Variants in TBR1 observed in about 807,000 individuals in gnomAD.
TBR1 encodes the protein T-box brain protein 1.
A neutral mutation model predicts 60.3 loss-of-function variants in TBR1; 7 were observed. That is an observed-to-expected ratio of 0.12 (90% CI 0.07 to 0.22). The LOEUF is 0.22. Ranked by LOEUF, TBR1 falls within the 10% of genes least tolerant of loss-of-function variation. TBR1 has a pLI of 1.00. For missense variants in TBR1, 616 were observed against 936.8 expected, an observed-to-expected ratio of 0.66 and a Z score of 4.47; for synonymous variants, 417 against 409.9, an observed-to-expected ratio of 1.02 and a Z score of -0.21.
At chr2:161,418,703 A>C (rs930984604) in intron 3 of TBR1, 189 bp from the exon 4 acceptor site, 2 of 755,970 alleles carry the variant, frequency 2.6e-6, no homozygotes, top group Non-Finnish European at 4.0e-6. Flanking sequence ...CTTCGCTCCC[A>C]GAGGTGCGAA....
Position 161,416,652 on chromosome 2 carries a change from G to A in TBR1, c.242G>A (p.Ser81Asn), listed in dbSNP as rs958400091. Residue 81 changes from serine (S) to asparagine (N), a missense_variant, in exon 1 of 6, where the codon AGT becomes AAT. Around this residue, in one of 8 missense-constraint regions of TBR1, gnomAD observed 211 missense variants for 268.7 expected, o/e 0.79. Coordinates refer to ENST00000389554, the MANE Select transcript of TBR1 (RefSeq NM_006593.4). This position sits in a 1 kb window ranked among gnomAD's most constrained non-coding sequence, Gnocchi z 6.1. Reference protein sequence around the residue: ...SKDSPGDVQRSKLSPVLDGVS... With the variant: ...SKDSPGDVQRNKLSPVLDGVS... ...GACTCACCAGGGGACGTCCAGAGAA[G>A]TAAACTCTCTCCTGTCTTGGACGGG... 6.2e-7 allele frequency: 1 copy of A among 1,614,224 alleles called. No homozygotes were observed. The highest frequency in any genetic ancestry group is 8.5e-7 in the Non-Finnish European group (1 of 1,180,038).
chr2:161,423,359 T>C lies in TBR1; in HGVS notation c.1191-10T>C. 3.3e-6 allele frequency: 3 copies of C among 921,386 alleles called. No individual in the cohort carries two copies. Among genetic ancestry groups the C allele is most frequent in the Non-Finnish European group, 2.8e-6 (2 of 720,142 alleles). 57.1% of individuals were successfully genotyped at this position (921,386 alleles called of 1,614,324 possible). ...CCTCGGCTCTCTCTCTCTCTCTCCC[T>C]ACCCCGCAGGATCTACACCGGCTGT... On this transcript the variant is annotated splice_polypyrimidine_tract_variant and intron_variant, in intron 5 of 5. Coordinates refer to ENST00000389554, the MANE Select transcript of TBR1 (RefSeq NM_006593.4).
chr2:161,423,871 T>C lies in TBR1; in HGVS notation c.1693T>C (p.Trp565Arg). The C allele has an allele frequency of 1.4e-6, 2 of 1,402,348 alleles. No individual in the cohort carries two copies. Among genetic ancestry groups the C allele is most frequent in the Non-Finnish European group, 9.3e-7 (1 of 1,080,288 alleles). 86.9% of individuals were successfully genotyped at this position (1,402,348 alleles called of 1,614,324 possible). ...GTKSGSVLPC[W>R]PNSAAAAARM... ...CAAGTCGGGCTCGGTGCTGCCCTGC[T>C]GGCCCAACAGCGCCGCGGCCGCCGC... The change falls in exon 6 of 6, where the codon TGG becomes CGG. Residue 565 changes from tryptophan (W) to arginine (R), a missense_variant. By Grantham distance (101) the Trp-to-Arg change is moderately radical. Around this residue, in one of 8 missense-constraint regions of TBR1, gnomAD observed 210 missense variants for 297.4 expected, o/e 0.71. Coordinates refer to ENST00000389554, the MANE Select transcript of TBR1 (RefSeq NM_006593.4).
rs1257749560 is a variant in TBR1 at position 161,417,991 on chromosome 2, GGA to G, written c.847+163_847+164del. 3 of 1,451,158 alleles carry G rather than the reference GGA, an allele frequency of 2.1e-6. No individual in the cohort carries two copies. The African/African-American group carries it at 4.3e-5, about 21-fold the overall frequency. 89.9% of individuals were successfully genotyped at this position (1,451,158 alleles called of 1,614,324 possible). The stretch of plus-strand genomic sequence containing the variant: ...GGGACAGACTGAGCTGCGAGAAGGG[GGA>G]GGATTATGCAAAAGCTATTTTAATC... On this transcript the variant is annotated intron_variant, in intron 2 of 5. Coordinates refer to ENST00000389554, the MANE Select transcript of TBR1 (RefSeq NM_006593.4). The surrounding 1 kb of genome is among the most constrained non-coding windows in gnomAD (Gnocchi z 5.3).
At chr2:161,420,410 TTCC>T (rs1241538512) in intron 5 of TBR1, 153 bp downstream of exon 5, 17 of 377,086 alleles carry the variant, frequency 4.5e-5, no homozygotes, top group Admixed American at 9.7e-5. Context: ...TTCTTTCTTC[TTCC>T]TCTTCTTTTT....
chr2:161,421,167 G>A (rs1179622031), intron 5 of TBR1: 1 of 152,232 alleles, frequency 6.6e-6, no homozygotes, highest in Non-Finnish European at 1.5e-5. Context: ...GACCATAAAA[G>A]GAAAGGGTAC....
At chr2:161,419,273 C>T (rs1684186862) in intron 4 of TBR1, 1 of 565,394 alleles carries the variant, frequency 1.8e-6, no homozygotes, top group Non-Finnish European at 3.0e-6. Context: ...CGTCGCTGGT[C>T]ACCCGGGCCA....
At position 161,423,733 on chromosome 2, in the gene TBR1, G is replaced by A; in HGVS notation, c.1555G>A (p.Ala519Thr). ...GGCCACGCTGCTCTCTTACGCGGCG[G>A]CGGGCGTGAAGGCGCTGCCGCTGCA... The part of the protein sequence containing the change: ...NAATLLSYAA[A>T]GVKALPLQAA... The change falls in exon 6 of 6, where the codon GCG (alanine) becomes ACG (threonine). Residue 519 changes from alanine to threonine, a missense_variant. By Grantham distance (58) the Ala-to-Thr change is moderately conservative. Transcript: ENST00000389554. 2.0e-6 allele frequency: 3 copies of A among 1,519,084 alleles called. No homozygotes were observed. Among genetic ancestry groups the A allele is most frequent in the Non-Finnish European group, 2.6e-6 (3 of 1,141,408 alleles). The allele number at this position is 1,519,084 out of a possible 1,614,324, so 94.1% of individuals were successfully genotyped here.
chr2:161,424,279 T>A lies in TBR1; in HGVS notation c.*52T>A. 6.8e-7 allele frequency: 1 copy of A among 1,471,200 alleles called. No homozygotes were observed. Among genetic ancestry groups the A allele is most frequent in the South Asian group, 1.3e-5 (1 of 74,590 alleles). The allele number at this position is 1,471,200 out of a possible 1,614,324, so 91.1% of individuals were successfully genotyped here. A position where few individuals can be genotyped will look rare whatever the true frequency, so the allele number is the denominator to read the frequency against. ...GCGGCCCGGACCCCCAGCCAGCCCC[T>A]CACAGCTCTTCCCCAGCTCCGCCTC... On this transcript the variant is annotated 3_prime_UTR_variant, in exon 6 of 6. Coordinates refer to ENST00000389554, the MANE Select transcript of TBR1 (RefSeq NM_006593.4). This position sits in a 1 kb window ranked among gnomAD's most constrained non-coding sequence, Gnocchi z 4.4.
Position 161,417,979 on chromosome 2 carries a change from C to A in TBR1, c.847+149C>A, listed in dbSNP as rs1417391747. On this transcript the variant is annotated intron_variant, in intron 2 of 5. Coordinates refer to ENST00000389554, the MANE Select transcript of TBR1 (RefSeq NM_006593.4). This position sits in a 1 kb window ranked among gnomAD's most constrained non-coding sequence, Gnocchi z 5.3. ...GAGGGGGACAGGGGGACAGACTGAG[C>A]TGCGAGAAGGGGGAGGATTATGCAA... The A allele has an allele frequency of 6.9e-6, 10 of 1,454,722 alleles. No homozygotes were observed. The African/African-American group carries it at 1.1e-4, about 17-fold the overall frequency. The allele number at this position is 1,454,722 out of a possible 1,614,324, so 90.1% of individuals were successfully genotyped here.
chr2:161,423,186 T>C (rs1275647786), intron 5 of TBR1, 183 bp from the exon 6 acceptor site: 1 of 450,524 alleles, frequency 2.2e-6, no homozygotes, highest in Non-Finnish European at 3.8e-6. Flanking sequence ...GTGATTTATT[T>C]TGGGAATGAT....
Position 161,423,598 on chromosome 2 carries a change from G to T in TBR1, c.1420G>T (p.Glu474Ter). The T allele has an allele frequency of 6.5e-7, 1 of 1,535,142 alleles. No individual in the cohort carries two copies. The highest frequency in any genetic ancestry group is 2.6e-5 in the East Asian group (1 of 38,546). The change falls in exon 6 of 6, where the codon GAG (glutamate) becomes TAG (stop). Residue 474 changes from glutamate to a stop codon, truncating the protein, a stop_gained. Transcript: ENST00000389554. LOFTEE classifies it high-confidence loss of function. Reference protein sequence around the residue: ...TNGLLSPQQAEDPGAPSPQRW... With the variant: ...TNGLLSPQQA ...CGGGCTGCTGTCGCCGCAGCAGGCCGAGGACCCGGGCGCGCCCTCGCCGCA... is the reference window on the plus strand; with the variant it reads ...CGGGCTGCTGTCGCCGCAGCAGGCCTAGGACCCGGGCGCGCCCTCGCCGCA...
At position 161,417,158 on chromosome 2, in the gene TBR1, C is replaced by T. The variant is rs1684138059; in HGVS notation, c.692+56C>T. The T allele has an allele frequency of 4.7e-6, 7 of 1,504,194 alleles. No individual in the cohort carries two copies. Among genetic ancestry groups the T allele is most frequent in the Admixed American group, 4.4e-5 (2 of 45,472 alleles). 93.2% of individuals were successfully genotyped at this position (1,504,194 alleles called of 1,614,324 possible). On this transcript the variant is annotated intron_variant, in intron 1 of 5. Coordinates refer to ENST00000389554, the MANE Select transcript of TBR1 (RefSeq NM_006593.4). This position sits in a 1 kb window ranked among gnomAD's most constrained non-coding sequence, Gnocchi z 5.3. ...TAGGCGCAGCCGGGGACAAGTGCAC[C>T]TAGGCTGTGACTGCCGCGGCAGCGA...
In TBR1 at chr2:161,423,534, C is replaced by T. The variant is rs548059202; in HGVS notation, c.1356C>T (p.Gly452=). ...KARFHPGAGA[G]PGPGTDRSVP... ...GCTTCCACCCGGGCGCGGGCGCGGG[C>T]CCCGGGCCGGGTACGGACCGCAGCG... is the stretch of plus-strand genomic sequence containing the variant. Residue 452 remains glycine (G), a synonymous_variant, in exon 6 of 6, where the codon GGC becomes GGT. Transcript: ENST00000389554. The T allele has an allele frequency of 1.3e-6, 2 of 1,577,804 alleles. No individual in the cohort carries two copies. Among genetic ancestry groups the T allele is most frequent in the Non-Finnish European group, 1.7e-6 (2 of 1,165,182 alleles).
chr2:161,419,668 C>T (rs555763951), intron 4 of TBR1: 1 of 152,704 alleles, frequency 6.5e-6, no homozygotes, highest in South Asian at 2.1e-4. Context: ...GATTTGACTA[C>T]TAGGAGTGAT....
intron 5 of TBR1, chr2:161,420,731 A>C (rs1684218887): frequency 1.3e-5 from 2 of 152,340 alleles, no homozygotes; most frequent in South Asian, 4.1e-4. Context: ...AGCATATGCG[A>C]CCTTTATTTA....
Position 161,423,807 on chromosome 2 carries a change from G to C in TBR1, c.1629G>C (p.Ser543=). ...GRPLGYYADP[S]GWGARSPPQY... is the part of the protein sequence containing the mutation. ...CGCTCGGCTACTACGCCGACCCGTC[G>C]GGCTGGGGCGCCCGCAGTCCCCCGC... The change falls in exon 6 of 6, where the codon TCG becomes TCC. Residue 543 remains serine (S), a synonymous_variant. Transcript: ENST00000389554. 2.0e-6 allele frequency: 3 copies of C among 1,476,368 alleles called. No homozygotes were observed. Among genetic ancestry groups the C allele is most frequent in the African/African-American group, 2.9e-5 (2 of 68,276 alleles). 91.5% of individuals were successfully genotyped at this position (1,476,368 alleles called of 1,614,324 possible).
In TBR1 at chr2:161,416,409, C is replaced by T; in HGVS notation, c.-2C>T. 1 of 1,582,536 alleles carries T rather than the reference C, an allele frequency of 6.3e-7. No individual in the cohort carries two copies. Among genetic ancestry groups the T allele is most frequent in the South Asian group, 1.2e-5 (1 of 83,776 alleles). On this transcript the variant is annotated 5_prime_UTR_variant, in exon 1 of 6. Coordinates refer to ENST00000389554, the MANE Select transcript of TBR1 (RefSeq NM_006593.4). The surrounding 1 kb of genome is among the most constrained non-coding windows in gnomAD (Gnocchi z 6.1). ...GAGGGCGAGTGTTCAGGTTCTAGAGCTATGCAGCTGGAGCACTGCCTTTCT... is the reference window on the plus strand; with the variant it reads ...GAGGGCGAGTGTTCAGGTTCTAGAGTTATGCAGCTGGAGCACTGCCTTTCT...
At chr2:161,423,314 CAAGGGACCTCCGCG>C in intron 5 of TBR1, 41 bp from the exon 6 acceptor site, 1 of 1,174,982 alleles carries the variant, frequency 8.5e-7, no homozygotes, top group Non-Finnish European at 1.1e-6. Flanking sequence ...ACCCCCACCC[CAAGGGACCTCCGCG>C]CCACCCCTCG....
Sources: allele counts gnomAD v4.1 joint callset, GRCh38; gene constraint gnomAD v4.1.1; regional missense constraint gnomAD v4.1.1; non-coding constraint Gnocchi (gnomAD v3.1); transcripts MANE v1.5; gene names NCBI Gene and HGNC (gene_info 2026-07-23, HGNC 2026-07-21).